Variants in SLC9A9 observed in about 807,000 individuals in gnomAD.
SLC9A9 encodes solute carrier family 9 member A9.
A neutral mutation model predicts 77.8 loss-of-function variants in SLC9A9; 62 were observed. That is an observed-to-expected ratio of 0.80 (90% CI 0.65 to 0.98). The LOEUF (loss-of-function observed/expected upper bound fraction) is 0.98. Among genes scored for constraint, SLC9A9 ranks in the 50% least tolerant of loss-of-function variants. The pLI is 0.00. For missense variants in SLC9A9, 775 were observed against 774.9 expected, an observed-to-expected ratio of 1.00 and a Z score of 0.00; for synonymous variants, 320 against 283.5, an observed-to-expected ratio of 1.13 and a Z score of -1.29.
At chr3:143,389,818 C>A (rs2033514020) in intron 12 of SLC9A9, among the ~76,000 whole-genome samples, 1 of 151,988 alleles carries the variant, frequency 6.6e-6, no homozygotes, top group Non-Finnish European at 1.5e-5. Context: ...AAGGGTGTGG[C>A]ATGTCAAGTA....
rs538806747 is a variant in SLC9A9 at position 143,767,105 on chromosome 3, C to T, written c.533+27896G>A. On this transcript the variant is annotated intron_variant, in intron 4 of 15. Coordinates refer to ENST00000316549, the MANE Select transcript of SLC9A9 (RefSeq NM_173653.4). ...TATTATGGTTATGGTGTTTATAACA[C>T]GTTTCACTCAGGAGGTATGCTTCTT... Among the ~76,000 whole-genome samples, 11 of 152,252 alleles carry T rather than the reference C, an allele frequency of 7.2e-5. No individual in the cohort carries two copies. The South Asian group carries it at 1.0e-3, about 14-fold the overall frequency.
At chr3:143,305,553 G>A (rs778784354) in intron 14 of SLC9A9, among the ~76,000 whole-genome samples, 1 of 152,178 alleles carries the variant, frequency 6.6e-6, no homozygotes, top group Non-Finnish European at 1.5e-5. Context: ...CAACCACTGG[G>A]GTTTCAACGT....
intron 5 of SLC9A9, among the ~76,000 whole-genome samples, chr3:143,658,765 G>C (rs1485027881): frequency 6.6e-6 from 1 of 152,122 alleles, no homozygotes; most frequent in Non-Finnish European, 1.5e-5. Flanking sequence ...ACTGAGAGTA[G>C]AAAAAGGTAA....
intron 12 of SLC9A9, among the ~76,000 whole-genome samples, chr3:143,400,702 CTT>C (rs2033834421): frequency 1.5e-5 from 2 of 129,874 alleles, no homozygotes; most frequent in East Asian, 4.5e-4. Flanking sequence ...ATTAAAAAAA[CTT>C]TTGACTGAAT....
intron 11 of SLC9A9, among the ~76,000 whole-genome samples, chr3:143,469,175 CAAA>C (rs2035335362): frequency 6.6e-6 from 1 of 151,930 alleles, no homozygotes; most frequent in African/African-American, 2.4e-5. Flanking sequence ...AACAAACAAA[CAAA>C]CAAAAAACAA....
Position 143,329,439 on chromosome 3 carries a change from A to G in SLC9A9, c.1604+34045T>C, listed in dbSNP as rs75714842. ...TTGGCAGCATCAGATCCCTATTGACATGAAATTTGAAATCATTGGTTAGCA... is the reference window on the plus strand; with the variant it reads ...TTGGCAGCATCAGATCCCTATTGACGTGAAATTTGAAATCATTGGTTAGCA... On this transcript the variant is annotated intron_variant, in intron 14 of 15. Coordinates refer to ENST00000316549, the MANE Select transcript of SLC9A9 (RefSeq NM_173653.4). Among the ~76,000 whole-genome samples the G allele has an allele frequency of 6.7e-3, 1,027 of 152,320 alleles. 6 individuals carry two copies. Among genetic ancestry groups the G allele is most frequent in the African/African-American group, 0.024 (981 of 41,568 alleles).
Position 143,588,186 on chromosome 3 carries a change from G to A in SLC9A9, c.756-9463C>T, listed in dbSNP as rs145453887. On this transcript the variant is annotated intron_variant, in intron 6 of 15. Coordinates refer to ENST00000316549, the MANE Select transcript of SLC9A9 (RefSeq NM_173653.4). ...AAGAGTTACTTGCCAGGGTGCTGTG[G>A]AGGAAATTCATGCCCTAGAGAGTTA... Among the ~76,000 whole-genome samples, 735 of 152,288 alleles carry A rather than the reference G, an allele frequency of 4.8e-3. 10 individuals carry two copies. The highest frequency in any genetic ancestry group is 0.017 in the African/African-American group (698 of 41,542).
Position 143,449,577 on chromosome 3 carries a change from T to A in SLC9A9, c.1469+17460A>T, listed in dbSNP as rs866627621. On this transcript the variant is annotated intron_variant, in intron 12 of 15. Coordinates refer to ENST00000316549, the MANE Select transcript of SLC9A9 (RefSeq NM_173653.4). ...ATTATATAAAATATAATTATAATTA[T>A]ATAATTATATAAAATATAATTATAT... 6.2e-4 allele frequency among the ~76,000 whole-genome samples: 25 copies of A among 40,142 alleles called. 7 individuals are homozygous for A. In the South Asian group the frequency reaches 0.017, roughly 27 times the overall value. The allele number at this position is 40,142 out of a possible 152,430, so 26.3% of individuals were successfully genotyped here.
chr3:143,717,655 T>G (rs1387202689), intron 4 of SLC9A9, among the ~76,000 whole-genome samples: 1 of 152,222 alleles, frequency 6.6e-6, no homozygotes, highest in Non-Finnish European at 1.5e-5. Context: ...CTAAGTGATT[T>G]CAATCTTTTA....
chr3:143,606,206 A>G (rs1320055720), intron 6 of SLC9A9, among the ~76,000 whole-genome samples: 1 of 151,940 alleles, frequency 6.6e-6, no homozygotes, highest in African/African-American at 2.4e-5. Context: ...GGAGTTCGAT[A>G]CCAGCCTGGC....
intron 5 of SLC9A9, among the ~76,000 whole-genome samples, chr3:143,660,653 C>T (rs562757689): frequency 6.6e-6 from 1 of 152,298 alleles, no homozygotes; most frequent in East Asian, 1.9e-4. Flanking sequence ...TTCTAGCAAA[C>T]AAATACACTC....
At chr3:143,718,937 C>T (rs1934425569) in intron 4 of SLC9A9, among the ~76,000 whole-genome samples, 1 of 152,176 alleles carries the variant, frequency 6.6e-6, no homozygotes, top group Non-Finnish European at 1.5e-5. Context: ...CTTAGCCCCT[C>T]AGTTGTCAGT....
chr3:143,584,452 G>T (rs541751451), intron 6 of SLC9A9, among the ~76,000 whole-genome samples: 1 of 152,092 alleles, frequency 6.6e-6, no homozygotes, highest in African/African-American at 2.4e-5. Flanking sequence ...AATCAATGTC[G>T]CTTGAAAGCT....
chr3:143,382,226 C>T lies in SLC9A9; in HGVS notation c.1470-112G>A. On this transcript the variant is annotated intron_variant, in intron 12 of 15. Transcript: ENST00000316549. Reference sequence around the variant, plus strand: ...AATGTGAATCTGAGAAAAGATTTGGCAGAAAACTATCCTACGTCTTCTTGA... The same window carrying T: ...AATGTGAATCTGAGAAAAGATTTGGTAGAAAACTATCCTACGTCTTCTTGA... The T allele has an allele frequency of 2.6e-6, 3 of 1,140,056 alleles. No homozygotes were observed. The South Asian group carries it at 3.7e-5, about 14-fold the overall frequency. The allele number at this position is 1,140,056 out of a possible 1,614,324, so 70.6% of individuals were successfully genotyped here. A position where few individuals can be genotyped will look rare whatever the true frequency, so the allele number is the denominator to read the frequency against.
chr3:143,829,943 G>A (rs527414944), intron 2 of SLC9A9, among the ~76,000 whole-genome samples: 1 of 152,138 alleles, frequency 6.6e-6, no homozygotes, highest in Non-Finnish European at 1.5e-5. Context: ...TAGGGATTAG[G>A]AAGCTTAAGA....
intron 13 of SLC9A9, among the ~76,000 whole-genome samples, chr3:143,369,630 C>A (rs1362494134): frequency 6.6e-6 from 1 of 151,444 alleles, no homozygotes; most frequent in Non-Finnish European, 1.5e-5. Context: ...ACAATTATTA[C>A]GTGCCAGTTA....
intron 9 of SLC9A9, among the ~76,000 whole-genome samples, chr3:143,501,196 T>C (rs577325288): frequency 6.6e-6 from 1 of 150,804 alleles, no homozygotes; most frequent in South Asian, 2.1e-4. Flanking sequence ...AAATAAATTA[T>C]AGTATAATAC....
chr3:143,344,474 T>A (rs1179568991), intron 14 of SLC9A9: 2 of 152,176 alleles, frequency 1.3e-5, no homozygotes, highest in African/African-American at 4.8e-5. Context: ...CAGGCCAAGT[T>A]ACAGATCTCT....
chr3:143,493,630 A>G, intron 11 of SLC9A9, 23 bp downstream of exon 11: 1 of 1,589,710 alleles, frequency 6.3e-7, no homozygotes. Flanking sequence ...CAGCAGCACT[A>G]ACATATAACA....
Sources: gnomAD v4.1 joint callset for allele counts (sites outside exome capture counted in the v4.1 genomes callset) on GRCh38, gnomAD v4.1.1 for gene constraint, MANE v1.5 for transcripts, NCBI Gene and HGNC (gene_info 2026-07-23, HGNC 2026-07-21) for gene names.